The following CAPRIN1 variants were observed in gnomAD, a reference collection of about 807,000 sequenced individuals.
CAPRIN1 encodes the protein cell cycle associated protein 1, also known as caprin-1.
Under a neutral mutation model 100.9 loss-of-function variants are expected in CAPRIN1, and 29 were observed. The observed-to-expected ratio is 0.29, with a 90% CI of 0.21 to 0.39. The LOEUF is 0.39. Among genes scored for constraint, CAPRIN1 ranks in the 10% least tolerant of loss-of-function variants. The probability of loss-of-function intolerance (pLI) is 1.00; values close to 1 mark genes in which losing one functional copy is unlikely to be tolerated. For missense variants in CAPRIN1, 795 were observed against 876.7 expected (o/e 0.91, Z 1.18); for synonymous variants, 338 against 307.5 (o/e 1.10, Z -1.04).
intron 4 of CAPRIN1, among the ~76,000 whole-genome samples, chr11:34,075,400 G>T (rs771525591): frequency 6.6e-6 from 1 of 152,136 alleles, no homozygotes; most frequent in African/African-American, 2.4e-5. Context: ...TTAGATACAC[G>T]GGAGAGGGAG....
chr11:34,090,030 C>A, intron 12 of CAPRIN1, 149 bp from the exon 13 acceptor site: 1 of 468,150 alleles, frequency 2.1e-6, no homozygotes, highest in Non-Finnish European at 3.8e-6. Flanking sequence ...TTATATTATA[C>A]AAATTTAAAG....
At chr11:34,079,905 G>GCTTTTTTTTTTTTTT (rs1850980473) in intron 7 of CAPRIN1, 140 bp downstream of exon 7, 5 of 316,642 alleles carry the variant, frequency 1.6e-5, no homozygotes, top group African/African-American at 1.5e-4. Context: ...GCATGACAAA[G>GCTTTTTTTTTTTTTT]TTTTTTTTTT....
chr11:34,098,297 T>C, intron 18 of CAPRIN1: 1 of 984,494 alleles, frequency 1.0e-6, no homozygotes, highest in Non-Finnish European at 1.2e-6. Flanking sequence ...AAATATCAAG[T>C]TATTTCTGAC....
At chr11:34,078,410 T>C (rs1850946111) in intron 6 of CAPRIN1, among the ~76,000 whole-genome samples, 1 of 152,120 alleles carries the variant, frequency 6.6e-6, no homozygotes. Flanking sequence ...TTCATACATC[T>C]CCCCCTCTGC....
chr11:34,083,959 C>G (rs919226506), intron 9 of CAPRIN1, among the ~76,000 whole-genome samples: 1 of 152,090 alleles, frequency 6.6e-6, no homozygotes, highest in Non-Finnish European at 1.5e-5. Flanking sequence ...ATCCCAGCTA[C>G]TTGGGAGGCT....
intron 7 of CAPRIN1, among the ~76,000 whole-genome samples, chr11:34,081,851 A>T (rs749208849): frequency 2.0e-5 from 3 of 151,280 alleles, no homozygotes; most frequent in Non-Finnish European, 2.9e-5. Flanking sequence ...TCACTCTGTC[A>T]CCCAGGCTGG....
intron 7 of CAPRIN1, 75 bp from the exon 8 acceptor site, chr11:34,082,750 C>A: frequency 2.9e-6 from 3 of 1,018,482 alleles, no homozygotes; most frequent in Non-Finnish European, 4.6e-6. Flanking sequence ...CGTGTATCTA[C>A]CAATATCACA....
intron 15 of CAPRIN1, among the ~76,000 whole-genome samples, chr11:34,093,696 G>A (rs1249184560): frequency 6.6e-6 from 1 of 152,010 alleles, no homozygotes; most frequent in Non-Finnish European, 1.5e-5. Context: ...AACTAGTGGT[G>A]TGATCACCAT....
intron 2 of CAPRIN1, chr11:34,053,598 A>AG (rs1850383344): frequency 8.9e-6 from 1 of 112,576 alleles, no homozygotes; most frequent in Admixed American, 8.0e-5. Flanking sequence ...CCCCCCTCTA[A>AG]AAAAAAAAAA....
At chr11:34,062,972 G>T in intron 2 of CAPRIN1, 1 of 151,518 alleles carries the variant, frequency 6.6e-6, no homozygotes, top group South Asian at 2.1e-4. Flanking sequence ...ATCTCTCTTT[G>T]CTATTTATTT....
chr11:34,054,271 G>C (rs1317076976), intron 2 of CAPRIN1, among the ~76,000 whole-genome samples: 1 of 151,902 alleles, frequency 6.6e-6, no homozygotes, highest in African/African-American at 2.4e-5. Context: ...TTTTATTATA[G>C]GTAATTGGAA....
chr11:34,069,629 G>T (rs1835212987), intron 2 of CAPRIN1, among the ~76,000 whole-genome samples: 1 of 151,766 alleles, frequency 6.6e-6, no homozygotes, highest in African/African-American at 2.4e-5. Flanking sequence ...TGCACCTGGG[G>T]TCAGGTCTGT....
chr11:34,093,320 C>T (rs1011558666), intron 15 of CAPRIN1, among the ~76,000 whole-genome samples: 6 of 151,870 alleles, frequency 4.0e-5, no homozygotes, highest in South Asian at 2.1e-4. Flanking sequence ...TTTAACTCCC[C>T]ACAAGTAGCT....
intron 15 of CAPRIN1, among the ~76,000 whole-genome samples, chr11:34,093,422 C>CT (rs1261800488): frequency 6.6e-6 from 1 of 152,012 alleles, no homozygotes; most frequent in African/African-American, 2.4e-5. Context: ...TTCTTTAGTT[C>CT]TTTAATTCCT....
intron 11 of CAPRIN1, among the ~76,000 whole-genome samples, chr11:34,087,683 A>G (rs967839518): frequency 3.9e-5 from 6 of 152,204 alleles, no homozygotes; most frequent in African/African-American, 1.4e-4. Flanking sequence ...TGACACCTAC[A>G]AGAGAGCAAT....
At chr11:34,085,995 C>T in intron 9 of CAPRIN1, 69 bp from the exon 10 acceptor site, 2 of 1,301,544 alleles carry the variant, frequency 1.5e-6, no homozygotes, top group Non-Finnish European at 2.2e-6. Flanking sequence ...GTGGGGGACC[C>T]ATCATGGTGG....
At chr11:34,064,774 G>A (rs1850653063) in intron 2 of CAPRIN1, among the ~76,000 whole-genome samples, 2 of 152,154 alleles carry the variant, frequency 1.3e-5, no homozygotes, top group African/African-American at 4.8e-5. Context: ...CCTTCTCAAA[G>A]GTGGTAACCC....
At chr11:34,091,880 T>C (rs942762283) in intron 14 of CAPRIN1, 26 bp from the exon 15 acceptor site, 1 of 1,592,644 alleles carries the variant, frequency 6.3e-7, no homozygotes. Context: ...AAGGATGAAC[T>C]AATCATTTAC....
At chr11:34,060,120 T>C (rs1372429443) in intron 2 of CAPRIN1, among the ~76,000 whole-genome samples, 4 of 138,656 alleles carry the variant, frequency 2.9e-5, no homozygotes, top group African/African-American at 1.1e-4. Context: ...TGCTTGAACC[T>C]GGGAGGCAGA....
Sources: allele counts gnomAD v4.1 joint callset (sites outside exome capture counted in the v4.1 genomes callset), GRCh38; gene constraint gnomAD v4.1.1; transcripts MANE v1.5; gene names NCBI Gene and HGNC (gene_info 2026-07-23, HGNC 2026-07-21).